AAMDC: variants seen among roughly 807,000 people sequenced by gnomAD.
The protein encoded by AAMDC is mth938 domain-containing protein.
In AAMDC, 16 loss-of-function variants were observed where a neutral mutation model predicts 15.5. The observed-to-expected ratio is 1.03, with a 90% CI of 0.70 to 1.57. AAMDC has a LOEUF of 1.57. Among genes scored for constraint, AAMDC ranks in the 40% most tolerant of loss-of-function variants. AAMDC has a pLI of 0.00. For missense variants in AAMDC, 141 were observed against 144.9 expected, an observed-to-expected ratio of 0.97 and a Z score of 0.14; for synonymous variants, 51 against 51.6, an observed-to-expected ratio of 0.99 and a Z score of 0.05.
intron 2 of AAMDC, among the ~76,000 whole-genome samples, chr11:77,856,406 A>G (rs1276873700): frequency 1.3e-5 from 2 of 152,082 alleles, no homozygotes; most frequent in African/African-American, 4.8e-5. Flanking sequence ...CCTTCAAACT[A>G]TTCCACCCTC....
chr11:77,823,193 C>A (rs1338697017), intron 1 of AAMDC, among the ~76,000 whole-genome samples: 2 of 114,714 alleles, frequency 1.7e-5, no homozygotes, highest in African/African-American at 7.1e-5. Flanking sequence ...CCAGCCTGGG[C>A]GACAGAGCAA....
intron 2 of AAMDC, 56 bp from the exon 3 acceptor site, chr11:77,869,666 T>C: frequency 6.7e-7 from 1 of 1,484,668 alleles, no homozygotes; most frequent in Non-Finnish European, 9.4e-7. Context: ...CAAGAATGCC[T>C]ATTGCAATGA....
downstream of AAMDC, chr11:77,876,911 G>A (rs1426398951): frequency 1.4e-6 from 1 of 701,162 alleles, no homozygotes; most frequent in African/African-American, 1.7e-5. Context: ...AGCACGATGG[G>A]CTCAGGCAGC....
chr11:77,830,987 CAAAAAA>C (rs59283485), intron 1 of AAMDC, among the ~76,000 whole-genome samples: 12,288 of 100,578 alleles, frequency 0.12, 806 homozygotes, highest in Admixed American at 0.25. Flanking sequence ...CAAAATATAC[CAAAAAA>C]AAAAAAAAAA....
downstream of AAMDC, among the ~76,000 whole-genome samples, chr11:77,876,194 T>G (rs781284366): frequency 6.6e-6 from 1 of 152,190 alleles, no homozygotes; most frequent in Non-Finnish European, 1.5e-5. Context: ...CAAACAGGTT[T>G]CTGGCTCTGA....
chr11:77,844,120 A>G (rs1950043662), intron 2 of AAMDC, among the ~76,000 whole-genome samples: 1 of 152,102 alleles, frequency 6.6e-6, no homozygotes. Flanking sequence ...GCCCTCTTCT[A>G]GTTTGCAGAC....
intron 1 of AAMDC, among the ~76,000 whole-genome samples, chr11:77,828,308 A>G (rs1949270430): frequency 6.6e-6 from 1 of 152,002 alleles, no homozygotes; most frequent in Non-Finnish European, 1.5e-5. Context: ...CAAAAAAATG[A>G]TATCAATAAC....
At chr11:77,842,704 A>C in intron 2 of AAMDC, 76 bp downstream of exon 2, 1 of 1,565,904 alleles carries the variant, frequency 6.4e-7, no homozygotes, top group East Asian at 2.2e-5. Context: ...GCAATGACTA[A>C]GTGAAAAACT....
At chr11:77,831,878 T>C in intron 1 of AAMDC, 1 of 153,548 alleles carries the variant, frequency 6.5e-6, no homozygotes, top group Non-Finnish European at 1.4e-5. Flanking sequence ...TTTTTTTTTT[T>C]TTTTTTTTTT....
At chr11:77,892,133 T>G (rs1203674148) in intron 5 of AAMDC, among the ~76,000 whole-genome samples, 1 of 152,238 alleles carries the variant, frequency 6.6e-6, no homozygotes, top group Non-Finnish European at 1.5e-5. Context: ...TATTTTCGTA[T>G]TATAGATTCA....
At chr11:77,862,175 T>A (rs1950909251) in intron 2 of AAMDC, among the ~76,000 whole-genome samples, 1 of 152,182 alleles carries the variant, frequency 6.6e-6, no homozygotes, top group African/African-American at 2.4e-5. Flanking sequence ...GGGTCTACAC[T>A]GGGAACTGCC....
intron 2 of AAMDC, among the ~76,000 whole-genome samples, chr11:77,854,031 C>T (rs1376712343): frequency 6.8e-6 from 1 of 146,884 alleles, no homozygotes; most frequent in African/African-American, 2.5e-5. Flanking sequence ...CGCTCCGTTG[C>T]CCAGGCTGGA....
chr11:77,821,177 G>A lies in AAMDC; in HGVS notation c.-83G>A, dbSNP rs988186677. 3 of 367,564 alleles carry A rather than the reference G, an allele frequency of 8.2e-6. No homozygotes were observed. The highest frequency in any genetic ancestry group is 6.3e-5 in the African/African-American group (3 of 47,762). 22.8% of individuals were successfully genotyped at this position (367,564 alleles called of 1,614,324 possible). A position where few individuals can be genotyped will look rare whatever the true frequency, so the allele number is the denominator to read the frequency against. The stretch of plus-strand genomic sequence containing the variant: ...AGCGCAGATCCCGAAGCAGCGCTGG[G>A]AGCGTAAGTGCGGGCAGAGCACTGC... On this transcript the variant is annotated 5_prime_UTR_variant, in exon 1 of 4. Coordinates refer to ENST00000393427, the MANE Select transcript of AAMDC (RefSeq NM_024684.4).
intron 2 of AAMDC, among the ~76,000 whole-genome samples, chr11:77,849,877 T>A (rs1950301374): frequency 6.6e-6 from 1 of 152,180 alleles, no homozygotes; most frequent in South Asian, 2.1e-4. Flanking sequence ...ATTTTCTTAA[T>A]CCTTCTGAGA....
intron 2 of AAMDC, among the ~76,000 whole-genome samples, chr11:77,859,174 A>G (rs545463822): frequency 1.3e-5 from 2 of 152,292 alleles, no homozygotes; most frequent in East Asian, 3.9e-4. Context: ...GAGGTTCCCC[A>G]TTCTATTTCT....
intron 5 of AAMDC, among the ~76,000 whole-genome samples, chr11:77,893,420 A>T (rs947850181): frequency 6.6e-6 from 1 of 152,142 alleles, no homozygotes; most frequent in Non-Finnish European, 1.5e-5. Flanking sequence ...AGCCTGAGCA[A>T]CACAGCAAGA....
chr11:77,874,477 G>C (rs1590983614), downstream of AAMDC, among the ~76,000 whole-genome samples: 1 of 151,378 alleles, frequency 6.6e-6, no homozygotes, highest in Admixed American at 6.6e-5. Flanking sequence ...TCCAATTAAA[G>C]AGAACTTAGT....
chr11:77,859,436 G>A (rs552281667), intron 2 of AAMDC, among the ~76,000 whole-genome samples: 7 of 152,254 alleles, frequency 4.6e-5, no homozygotes, highest in African/African-American at 1.4e-4. Context: ...GTCTTCCCTC[G>A]GAAGTTAGGA....
At chr11:77,856,595 C>T (rs1021816990) in intron 2 of AAMDC, among the ~76,000 whole-genome samples, 1 of 152,142 alleles carries the variant, frequency 6.6e-6, no homozygotes, top group Non-Finnish European at 1.5e-5. Context: ...ACAGGCTGTA[C>T]AGGAAGCATA....
Sources: gnomAD v4.1 joint callset for allele counts (sites outside exome capture counted in the v4.1 genomes callset) on GRCh38, gnomAD v4.1.1 for gene constraint, MANE v1.5 for transcripts, NCBI Gene and HGNC (gene_info 2026-07-23, HGNC 2026-07-21) for gene names.